The following ADARB2 variants were observed in gnomAD, a reference collection of about 807,000 sequenced individuals.
ADARB2 encodes inactive double-stranded RNA-specific editase B2.
Under a neutral mutation model 62.2 loss-of-function variants are expected in ADARB2, and 25 were observed. The observed-to-expected ratio is 0.40, with a 90% CI of 0.29 to 0.56. The LOEUF (loss-of-function observed/expected upper bound fraction) is 0.56. Among genes scored for constraint, ADARB2 ranks in the 20% least tolerant of loss-of-function variants. The pLI is 0.43. For synonymous variants in ADARB2, 572 were observed against 500.8 expected, an observed-to-expected ratio of 1.14 and a Z score of -1.90; for missense variants, 1,071 against 1,077.4, an observed-to-expected ratio of 0.99 and a Z score of 0.08.
chr10:1,466,665 C>A (rs1831259365), intron 1 of ADARB2, among the ~76,000 whole-genome samples: 1 of 152,088 alleles, frequency 6.6e-6, no homozygotes, highest in African/African-American at 2.4e-5. Context: ...AAAGGCTCTG[C>A]CGTGGGGACT....
intron 1 of ADARB2, among the ~76,000 whole-genome samples, chr10:1,601,998 T>TA (rs1554774677): frequency 0.01 from 1,548 of 152,082 alleles, 28 homozygotes; most frequent in African/African-American, 0.035. Flanking sequence ...CCCTCAGAGA[T>TA]GGACTCTTGG....
intron 1 of ADARB2, among the ~76,000 whole-genome samples, chr10:1,468,763 C>T (rs973370469): frequency 3.9e-5 from 6 of 152,210 alleles, no homozygotes; most frequent in South Asian, 2.1e-4. Flanking sequence ...CCTGCGGAAG[C>T]GACGGGGCGT....
At chr10:1,193,491 T>A (rs968957104) in intron 8 of ADARB2, among the ~76,000 whole-genome samples, 1 of 152,220 alleles carries the variant, frequency 6.6e-6, no homozygotes, top group African/African-American at 2.4e-5. Flanking sequence ...TATGTATTTT[T>A]GTGCCCTAGT....
intron 1 of ADARB2, among the ~76,000 whole-genome samples, chr10:1,508,230 A>G (rs752217026): frequency 2.8e-4 from 43 of 152,256 alleles, no homozygotes; most frequent in Non-Finnish European, 5.7e-4. Context: ...ACCGACCTCC[A>G]TCCATCCCCA....
At chr10:1,429,714 A>G (rs1830760377) in intron 1 of ADARB2, among the ~76,000 whole-genome samples, 1 of 152,232 alleles carries the variant, frequency 6.6e-6, no homozygotes, top group South Asian at 2.1e-4. Context: ...GGTCTGCACC[A>G]TACTTATTAA....
chr10:1,591,543 C>T (rs907575992), intron 1 of ADARB2, among the ~76,000 whole-genome samples: 1 of 152,116 alleles, frequency 6.6e-6, no homozygotes, highest in Non-Finnish European at 1.5e-5. Context: ...GGACTGCTCC[C>T]TGTCTTCAGT....
At chr10:1,692,713 AT>A (rs971914656) in intron 1 of ADARB2, among the ~76,000 whole-genome samples, 21 of 152,080 alleles carry the variant, frequency 1.4e-4, no homozygotes, top group African/African-American at 4.6e-4. Flanking sequence ...GGCTACAAAC[AT>A]TTTTTTTAAA....
Position 1,619,614 on chromosome 10 carries a change from G to C in ADARB2, c.100+117437C>G, listed in dbSNP as rs935023681. 1.3e-3 allele frequency among the ~76,000 whole-genome samples: 196 copies of C among 152,238 alleles called. 1 individual carries two copies. The highest frequency in any genetic ancestry group is 3.4e-4 in the Non-Finnish European group (23 of 68,014). On this transcript the variant is annotated intron_variant, in intron 1 of 9. Coordinates refer to ENST00000381312, the MANE Select transcript of ADARB2 (RefSeq NM_018702.4). ...TTACAGGGGTATGCCACCATGCCCAGCTAATTTTTATATTTTTAGTAGAGA... is the reference window on the plus strand; with the variant it reads ...TTACAGGGGTATGCCACCATGCCCACCTAATTTTTATATTTTTAGTAGAGA...
rs1355561227 is a variant in ADARB2, at chr10:1,267,885, T to TA, written c.1192+3069dup. Among the ~76,000 whole-genome samples the TA allele has an allele frequency of 5.9e-5, 9 of 152,276 alleles. No homozygotes were observed. In the East Asian group the frequency reaches 1.5e-3, roughly 26 times the overall value. ...CATCAGATAGATGCTGTTCAGCTGT[T>TA]ACAATCACTCAAAAGACAAAGTAGA... On this transcript the variant is annotated intron_variant, in intron 4 of 9. Transcript: ENST00000381312.
At chr10:1,347,329 C>A (rs1832090198) in intron 3 of ADARB2, among the ~76,000 whole-genome samples, 2 of 152,222 alleles carry the variant, frequency 1.3e-5, no homozygotes, top group African/African-American at 4.8e-5. Context: ...AATGAGATTG[C>A]CAAATGCCAC....
intron 3 of ADARB2, among the ~76,000 whole-genome samples, chr10:1,276,475 G>T (rs938782422): frequency 6.6e-6 from 1 of 152,030 alleles, no homozygotes; most frequent in Admixed American, 6.6e-5. Flanking sequence ...TCACTCTGAT[G>T]GTAGTTTCTT....
chr10:1,316,895 C>G (rs1308640536), intron 3 of ADARB2, among the ~76,000 whole-genome samples: 1 of 152,214 alleles, frequency 6.6e-6, no homozygotes, highest in African/African-American at 2.4e-5. Context: ...ACTCCGGAGG[C>G]ATAAGGTTGC....
At position 1,407,886 on chromosome 10, in the gene ADARB2, C is replaced by T. The variant is rs1471486024; in HGVS notation, c.101-28726G>A. ...GGCAGACAGACCCAAAGCCTCCCAG[C>T]AGAAGAGAGAAGTGAGGAGGCTGGA... On this transcript the variant is annotated intron_variant, in intron 1 of 9. Coordinates refer to ENST00000381312, the MANE Select transcript of ADARB2 (RefSeq NM_018702.4). 3.9e-5 allele frequency among the ~76,000 whole-genome samples: 6 copies of T among 152,184 alleles called. No individual in the cohort carries two copies. In the South Asian group the frequency reaches 8.3e-4, roughly 21 times the overall value.
chr10:1,607,388 C>T (rs941857307), intron 1 of ADARB2, among the ~76,000 whole-genome samples: 4 of 152,214 alleles, frequency 2.6e-5, no homozygotes, highest in African/African-American at 7.2e-5. Flanking sequence ...TCTGGAGTCA[C>T]AGAAATATAG....
chr10:1,568,388 T>C (rs1173423321), intron 1 of ADARB2, among the ~76,000 whole-genome samples: 1 of 152,142 alleles, frequency 6.6e-6, no homozygotes, highest in African/African-American at 2.4e-5. Context: ...GAACACACGG[T>C]CCAGCTGCGG....
chr10:1,472,327 C>T (rs150747133), intron 1 of ADARB2, among the ~76,000 whole-genome samples: 5 of 152,296 alleles, frequency 3.3e-5, no homozygotes, highest in Non-Finnish European at 5.9e-5. Context: ...AAGGGCCATG[C>T]GGCTCAGGGG....
At chr10:1,666,767 A>T (rs951704069) in intron 1 of ADARB2, among the ~76,000 whole-genome samples, 1 of 152,180 alleles carries the variant, frequency 6.6e-6, no homozygotes, top group Non-Finnish European at 1.5e-5. Context: ...GACATGTTTA[A>T]CTTATATCTG....
At chr10:1,627,217 G>A (rs1875008) in intron 1 of ADARB2, among the ~76,000 whole-genome samples, 38,362 of 151,792 alleles carry the variant, frequency 0.25, 5,411 homozygotes, top group East Asian at 0.55. Flanking sequence ...ACGAGCCTCG[G>A]ATTGATTTAT....
At chr10:1,561,970 C>T (rs1014617504) in intron 1 of ADARB2, among the ~76,000 whole-genome samples, 1 of 152,244 alleles carries the variant, frequency 6.6e-6, no homozygotes, top group East Asian at 1.9e-4. Context: ...TGCTAAAATG[C>T]TTCTGTGAAC....
Sources: allele counts gnomAD v4.1 joint callset (sites outside exome capture counted in the v4.1 genomes callset), GRCh38; gene constraint gnomAD v4.1.1; transcripts MANE v1.5; gene names NCBI Gene and HGNC (gene_info 2026-07-23, HGNC 2026-07-21).